The following GSTCD variants were observed in gnomAD, a reference collection of about 807,000 sequenced individuals.
GSTCD encodes glutathione S-transferase C-terminal domain containing.
In GSTCD, 44 loss-of-function variants were observed where a neutral mutation model predicts 68.3. The ratio of observed to expected loss-of-function variants is 0.64; its 90% CI spans 0.51 to 0.83. The LOEUF is 0.83. Among genes scored for constraint, GSTCD ranks in the 40% least tolerant of loss-of-function variants. GSTCD has a pLI of 0.00. For synonymous variants in GSTCD, 273 were observed against 255.2 expected, an observed-to-expected ratio of 1.07 and a Z score of -0.67; for missense variants, 739 against 735.9, an observed-to-expected ratio of 1.00 and a Z score of -0.05.
chr4:105,797,618 GTGGTTGCTCAAGGTTGAGGTT>G, intron 5 of GSTCD, among the ~76,000 whole-genome samples: 1 of 152,130 alleles, frequency 6.6e-6, no homozygotes, highest in East Asian at 1.9e-4. Context: ...GACCAGGGTG[GTGGTTGCTCAAGGTTGAGGTT>G]TGTGGCAAAT....
intron 5 of GSTCD, among the ~76,000 whole-genome samples, chr4:105,745,589 G>A (rs1268728057): frequency 1.3e-5 from 2 of 152,132 alleles, no homozygotes; most frequent in African/African-American, 2.4e-5. Context: ...GTGAATTTTT[G>A]TCCTCTGAGT....
chr4:105,781,214 TTTTG>T (rs1488257418), intron 5 of GSTCD, among the ~76,000 whole-genome samples: 1 of 152,186 alleles, frequency 6.6e-6, no homozygotes, highest in Non-Finnish European at 1.5e-5. Context: ...CATCATGATA[TTTTG>T]TTTCTCTTTG....
At chr4:105,767,944 G>T (rs1255048350) in intron 5 of GSTCD, among the ~76,000 whole-genome samples, 1 of 151,226 alleles carries the variant, frequency 6.6e-6, no homozygotes, top group Non-Finnish European at 1.5e-5. Context: ...TTTTTTTCAT[G>T]AAAGAATTCT....
chr4:105,732,312 G>T (rs557226331), intron 5 of GSTCD, among the ~76,000 whole-genome samples: 1 of 152,130 alleles, frequency 6.6e-6, no homozygotes, highest in African/African-American at 2.4e-5. Context: ...CTGTGAATCC[G>T]TCTGGTCCTG....
Position 105,756,495 on chromosome 4 carries a change from T to TACACACACACAC in GSTCD, c.1240+27017_1240+27028dup, listed in dbSNP as rs3055931. Among the ~76,000 whole-genome samples the TACACACACACAC allele has an allele frequency of 5.7e-3, 797 of 139,476 alleles. 3 individuals carry two copies. The highest frequency in any genetic ancestry group is 0.018 in the African/African-American group (670 of 37,192). 91.5% of individuals were successfully genotyped at this position (139,476 alleles called of 152,430 possible). A position where few individuals can be genotyped will look rare whatever the true frequency, so the allele number is the denominator to read the frequency against. ...CACTGGTAGCAGAGACCTATGCACA[T>TACACACACACAC]ACACACACACACACACACACACACA... is the stretch of plus-strand genomic sequence containing the variant. On this transcript the variant is annotated intron_variant, in intron 5 of 11. Coordinates refer to ENST00000515279, the MANE Select transcript of GSTCD (RefSeq NM_001370181.1).
chr4:105,726,733 C>T lies in GSTCD; in HGVS notation c.1049C>T (p.Thr350Ile), dbSNP rs753272463. ...LHLPKLLTTS[T>I]EQHPNLCEVP... Reference sequence around the variant, plus strand: ...TTACCAAAGTTGTTGACAACCTCAACTGAACAGCATCCAAACTTATGTGAA... The same window carrying T: ...TTACCAAAGTTGTTGACAACCTCAATTGAACAGCATCCAAACTTATGTGAA... The change falls in exon 4 of 12, where the codon ACT becomes ATT. Residue 350 changes from threonine (T) to isoleucine (I), a missense_variant. By Grantham distance (89) the Thr-to-Ile change is moderately conservative. Transcript: ENST00000515279. 2 of 1,613,798 alleles carry T rather than the reference C, an allele frequency of 1.2e-6. No homozygotes were observed. Among genetic ancestry groups the T allele is most frequent in the African/African-American group, 2.7e-5 (2 of 74,904 alleles).
At chr4:105,827,161 C>G (rs774486121) in intron 8 of GSTCD, 5 of 152,112 alleles carry the variant, frequency 3.3e-5, no homozygotes, top group Non-Finnish European at 7.4e-5. Context: ...TTTAGCGCTT[C>G]TCCCATGAAA....
At chr4:105,833,463 C>CAA (rs766230415) in intron 8 of GSTCD, among the ~76,000 whole-genome samples, 166 of 129,424 alleles carry the variant, frequency 1.3e-3, no homozygotes, top group African/African-American at 4.5e-3. Flanking sequence ...AACTCTGTCT[C>CAA]AAAAAAAAAA....
At chr4:105,737,998 T>C (rs1056639811) in intron 5 of GSTCD, among the ~76,000 whole-genome samples, 1 of 152,180 alleles carries the variant, frequency 6.6e-6, no homozygotes. Flanking sequence ...CTACTCTCTC[T>C]CTCTTGCTCC....
chr4:105,716,583 TAACTG>T (rs1481314683), intron 1 of GSTCD, among the ~76,000 whole-genome samples: 1 of 152,130 alleles, frequency 6.6e-6, no homozygotes, highest in Non-Finnish European at 1.5e-5. Flanking sequence ...CCAACCCTCT[TAACTG>T]CACGCAGGAG....
At chr4:105,798,998 T>C (rs1447542519) in intron 5 of GSTCD, among the ~76,000 whole-genome samples, 1 of 152,214 alleles carries the variant, frequency 6.6e-6, no homozygotes, top group Admixed American at 6.5e-5. Context: ...TCATCACTTA[T>C]CTAGATCTTC....
At chr4:105,771,822 C>T (rs779276354) in intron 5 of GSTCD, among the ~76,000 whole-genome samples, 5 of 152,064 alleles carry the variant, frequency 3.3e-5, no homozygotes, top group African/African-American at 7.2e-5. Flanking sequence ...CAGATTTGTT[C>T]GTTTTGCTTA....
At chr4:105,756,495 TAC>T (rs3055931) in intron 5 of GSTCD, among the ~76,000 whole-genome samples, 92,558 of 139,212 alleles carry the variant, frequency 0.66, 31,220 homozygotes, top group East Asian at 0.85. Context: ...CCTATGCACA[TAC>T]ACACACACAC....
intron 5 of GSTCD, among the ~76,000 whole-genome samples, chr4:105,747,008 G>T (rs1733827327): frequency 6.6e-6 from 1 of 152,144 alleles, no homozygotes; most frequent in African/African-American, 2.4e-5. Context: ...TGTGGTCAAG[G>T]TCTTTGGAAA....
At chr4:105,811,635 A>G (rs1722757797) in intron 5 of GSTCD, among the ~76,000 whole-genome samples, 1 of 151,850 alleles carries the variant, frequency 6.6e-6, no homozygotes, top group Admixed American at 6.6e-5. Context: ...TACATATGTA[A>G]CTAACCTGCA....
At chr4:105,711,554 G>T (rs1732537277) in intron 1 of GSTCD, among the ~76,000 whole-genome samples, 2 of 152,224 alleles carry the variant, frequency 1.3e-5, no homozygotes, top group South Asian at 4.1e-4. Flanking sequence ...AAGGAATTTG[G>T]TTATAAATTA....
intron 5 of GSTCD, among the ~76,000 whole-genome samples, chr4:105,756,770 A>G (rs1734212661): frequency 6.6e-6 from 1 of 152,076 alleles, no homozygotes; most frequent in Middle Eastern, 3.2e-3. Context: ...GTGGAAATTC[A>G]GAGCCAGGAG....
At chr4:105,785,601 A>G (rs1735435785) in intron 5 of GSTCD, among the ~76,000 whole-genome samples, 1 of 152,188 alleles carries the variant, frequency 6.6e-6, no homozygotes, top group Non-Finnish European at 1.5e-5. Context: ...CATGCTTAAA[A>G]CACTTAACAA....
chr4:105,731,772 G>T (rs952468556), intron 5 of GSTCD, among the ~76,000 whole-genome samples: 1 of 152,146 alleles, frequency 6.6e-6, no homozygotes, highest in Admixed American at 6.6e-5. Flanking sequence ...TCTTGTGCCA[G>T]TTTTCAAAGG....
Sources: allele counts gnomAD v4.1 joint callset (sites outside exome capture counted in the v4.1 genomes callset), GRCh38; gene constraint gnomAD v4.1.1; transcripts MANE v1.5; gene names NCBI Gene and HGNC (gene_info 2026-07-23, HGNC 2026-07-21).